CTNNA1: variants seen among roughly 807,000 people sequenced by gnomAD.
CTNNA1 encodes catenin alpha 1, also known as catenin alpha-1.
A neutral mutation model predicts 98.4 loss-of-function variants in CTNNA1; 37 were observed. That is an observed-to-expected ratio of 0.38 (90% CI 0.29 to 0.49). The LOEUF is 0.49. Ranked by LOEUF, CTNNA1 falls within the 20% of genes least tolerant of loss-of-function variation. The probability of loss-of-function intolerance (pLI) is 0.95; values close to 1 mark genes in which losing one functional copy is unlikely to be tolerated. For missense variants in CTNNA1, 761 were observed against 1,147.2 expected, an observed-to-expected ratio of 0.66 and a Z score of 4.86; for synonymous variants, 404 against 413.2, an observed-to-expected ratio of 0.98 and a Z score of 0.27.
chr5:138,912,022 G>T (rs1580753698), intron 10 of CTNNA1, among the ~76,000 whole-genome samples: 1 of 152,194 alleles, frequency 6.6e-6, no homozygotes, highest in African/African-American at 2.4e-5. Context: ...TATTTTTGAG[G>T]TGCCTATTAG....
chr5:138,869,262 C>CT (rs1765111338), intron 7 of CTNNA1: 1 of 150,794 alleles, frequency 6.6e-6, no homozygotes, highest in Non-Finnish European at 1.5e-5. Flanking sequence ...AGAATGAAAG[C>CT]TTAAACAGTA....
chr5:138,899,008 A>C (rs1376150150), intron 9 of CTNNA1, among the ~76,000 whole-genome samples: 1 of 151,954 alleles, frequency 6.6e-6, no homozygotes, highest in Non-Finnish European at 1.5e-5. Flanking sequence ...TTTTTTCTTG[A>C]ACTTCTATTT....
At chr5:138,933,440 C>T (rs1231838249) in intron 17 of CTNNA1, among the ~76,000 whole-genome samples, 1 of 152,186 alleles carries the variant, frequency 6.6e-6, no homozygotes, top group Non-Finnish European at 1.5e-5. Flanking sequence ...ATCTGCTTTG[C>T]CATAAACATC....
intron 5 of CTNNA1, among the ~76,000 whole-genome samples, chr5:138,819,945 C>G (rs901813487): frequency 1.3e-5 from 2 of 151,992 alleles, no homozygotes; most frequent in Non-Finnish European, 2.9e-5. Context: ...CCCCTTTGCT[C>G]TCTTCCTCCT....
chr5:138,906,194 T>A (rs1049876834), intron 10 of CTNNA1, among the ~76,000 whole-genome samples: 2 of 152,206 alleles, frequency 1.3e-5, no homozygotes, highest in African/African-American at 2.4e-5. Flanking sequence ...GCCTTAATAT[T>A]ACTGTGATGG....
intron 7 of CTNNA1, among the ~76,000 whole-genome samples, chr5:138,837,622 TTTTG>T (rs1291642509): frequency 6.7e-6 from 1 of 148,524 alleles, no homozygotes; most frequent in Non-Finnish European, 1.5e-5. Flanking sequence ...CTCTTTTTGG[TTTTG>T]TTTGTTTGTT....
At chr5:138,829,044 C>T (rs1761002605) in intron 7 of CTNNA1, among the ~76,000 whole-genome samples, 1 of 152,124 alleles carries the variant, frequency 6.6e-6, no homozygotes, top group African/African-American at 2.4e-5. Flanking sequence ...ATCGCTTAAG[C>T]CTGGGAGGTT....
At chr5:138,915,601 G>A (rs1397915883) in intron 10 of CTNNA1, among the ~76,000 whole-genome samples, 2 of 152,196 alleles carry the variant, frequency 1.3e-5, no homozygotes, top group South Asian at 2.1e-4. Context: ...ACACAGAAAC[G>A]TGTATGAGCG....
rs745876119 is a variant in CTNNA1, at chr5:138,824,643, C to G, written c.702C>G (p.Val234=). ...AGGCATGCCTACAGCACCCTGATGT[C>G]GCAGCCTATAAGGCCAACAGGGACC... ...ASQACLQHPD[V]AAYKANRDLI... The change falls in exon 6 of 18, where the codon GTC becomes GTG. Residue 234 remains valine, a synonymous_variant. Coordinates refer to ENST00000302763, the MANE Select transcript of CTNNA1 (RefSeq NM_001903.5). 1 of 1,614,084 alleles carries G rather than the reference C, an allele frequency of 6.2e-7. No homozygotes were observed. Among genetic ancestry groups the G allele is most frequent in the African/African-American group, 1.3e-5 (1 of 74,932 alleles).
chr5:138,903,826 AT>A (rs998466378), intron 9 of CTNNA1, among the ~76,000 whole-genome samples: 1 of 151,098 alleles, frequency 6.6e-6, no homozygotes. Context: ...TCTTCATGTT[AT>A]TTTTTTTTGT....
intron 7 of CTNNA1, among the ~76,000 whole-genome samples, chr5:138,843,454 G>A (rs758051725): frequency 6.6e-6 from 1 of 152,116 alleles, no homozygotes; most frequent in Non-Finnish European, 1.5e-5. Context: ...TGCAACCCCT[G>A]GAAGGCCTTG....
chr5:138,830,683 A>G lies in CTNNA1; in HGVS notation c.1062+2965A>G, dbSNP rs118155965. 5.0e-3 allele frequency among the ~76,000 whole-genome samples: 764 copies of G among 152,374 alleles called. 8 individuals are homozygous for G. Among genetic ancestry groups the G allele is most frequent in the East Asian group, 0.042 (219 of 5,192 alleles). ...AGTGAGTGTCAGAATATAACCAGCA[A>G]TGTCTGCCTGTCAGTCAGTTCATTC... is the stretch of plus-strand genomic sequence containing the variant. On this transcript the variant is annotated intron_variant, in intron 7 of 17. Coordinates refer to ENST00000302763, the MANE Select transcript of CTNNA1 (RefSeq NM_001903.5).
At chr5:138,761,216 T>G (rs1007439478) in intron 1 of CTNNA1, among the ~76,000 whole-genome samples, 14 of 152,212 alleles carry the variant, frequency 9.2e-5, no homozygotes, top group African/African-American at 3.4e-4. Flanking sequence ...GTATCTTGAT[T>G]GTGGAGGTGA....
chr5:138,776,922 G>A (rs1386478185), intron 1 of CTNNA1, among the ~76,000 whole-genome samples: 8 of 134,256 alleles, frequency 6.0e-5, no homozygotes, highest in South Asian at 4.8e-4. Flanking sequence ...CCTCCCTCCC[G>A]GACGGGGCGG....
intron 7 of CTNNA1, among the ~76,000 whole-genome samples, chr5:138,843,860 T>C (rs1762474582): frequency 6.6e-6 from 1 of 152,234 alleles, no homozygotes; most frequent in Non-Finnish European, 1.5e-5. Flanking sequence ...CCTTTGTCAC[T>C]GTATTCAATT....
chr5:138,867,955 T>C (rs1275980006), intron 7 of CTNNA1, among the ~76,000 whole-genome samples: 1 of 152,140 alleles, frequency 6.6e-6, no homozygotes, highest in African/African-American at 2.4e-5. Flanking sequence ...TTTCGCCTTA[T>C]TGGCCAGACT....
rs574338262 is a variant in CTNNA1 at position 138,794,945 on chromosome 5, T to G, written c.301+11573T>G. ...CAGGTAGATCACCTGAGGTCAGGAG[T>G]TCGAGACCAGCCTGACCAACATGGT... On this transcript the variant is annotated intron_variant, in intron 3 of 17. Coordinates refer to ENST00000302763, the MANE Select transcript of CTNNA1 (RefSeq NM_001903.5). 1.7e-3 allele frequency among the ~76,000 whole-genome samples: 253 copies of G among 151,506 alleles called. 2 individuals are homozygous for G. The highest frequency in any genetic ancestry group is 5.7e-3 in the African/African-American group (234 of 41,248).
intron 9 of CTNNA1, among the ~76,000 whole-genome samples, chr5:138,892,558 G>A (rs1049551332): frequency 2.0e-5 from 3 of 151,450 alleles, no homozygotes; most frequent in Non-Finnish European, 2.9e-5. Flanking sequence ...GGCTAGTCTC[G>A]AACTCCCAAT....
chr5:138,756,642 T>C (rs570963516), intron 1 of CTNNA1, among the ~76,000 whole-genome samples: 4 of 152,136 alleles, frequency 2.6e-5, no homozygotes, highest in Non-Finnish European at 4.4e-5. Context: ...CTTGTATAGC[T>C]TGGGTACTTT....
Sources: allele counts gnomAD v4.1 joint callset (sites outside exome capture counted in the v4.1 genomes callset), GRCh38; gene constraint gnomAD v4.1.1; transcripts MANE v1.5; gene names NCBI Gene and HGNC (gene_info 2026-07-23, HGNC 2026-07-21).